Variants in AAK1 observed in about 807,000 individuals in gnomAD.
AAK1 encodes AP2 associated kinase 1, also known as AP2-associated protein kinase 1.
A neutral mutation model predicts 116.0 loss-of-function variants in AAK1; 37 were observed. The observed-to-expected ratio is 0.32, with a 90% CI of 0.25 to 0.42. The LOEUF is 0.42. Among genes scored for constraint, AAK1 ranks in the 10% least tolerant of loss-of-function variants. The pLI is 1.00. For missense variants in AAK1, 919 were observed against 1,170.6 expected (o/e 0.79, Z 3.14); for synonymous variants, 458 against 439.9 (o/e 1.04, Z -0.51).
intron 16 of AAK1, among the ~76,000 whole-genome samples, chr2:69,504,002 A>G (rs1676077394): frequency 6.6e-6 from 1 of 151,540 alleles, no homozygotes; most frequent in South Asian, 2.1e-4. Flanking sequence ...TCCGTCTAAA[A>G]AAAAAAAAAA....
intron 2 of AAK1, among the ~76,000 whole-genome samples, chr2:69,641,375 C>T (rs1433845335): frequency 6.6e-6 from 1 of 152,166 alleles, no homozygotes; most frequent in Non-Finnish European, 1.5e-5. Flanking sequence ...ATGAAAGAGA[C>T]AGATCAGACT....
At chr2:69,486,879 A>T (rs1675319530) in intron 17 of AAK1, among the ~76,000 whole-genome samples, 3 of 152,150 alleles carry the variant, frequency 2.0e-5, no homozygotes, top group Non-Finnish European at 4.4e-5. Context: ...TAGGAATATG[A>T]GTCTTCACAT....
At chr2:69,501,608 T>G (rs550715364) in intron 16 of AAK1, among the ~76,000 whole-genome samples, 1 of 152,334 alleles carries the variant, frequency 6.6e-6, no homozygotes, top group Admixed American at 6.5e-5. Context: ...GCCCAAGTAC[T>G]TTATTTTTTA....
chr2:69,495,935 G>A, intron 17 of AAK1, 50 bp downstream of exon 17: 1 of 1,462,056 alleles, frequency 6.8e-7, no homozygotes, highest in Non-Finnish European at 9.3e-7. Flanking sequence ...TACAAGGCCT[G>A]GGACATGCAA....
chr2:69,562,121 T>C (rs78021974), intron 2 of AAK1, among the ~76,000 whole-genome samples: 6,175 of 152,300 alleles, frequency 0.041, 434 homozygotes, highest in African/African-American at 0.14. Context: ...ATATGCCAAG[T>C]GACTATTTCC....
chr2:69,633,847 T>C (rs1331420736), intron 2 of AAK1, among the ~76,000 whole-genome samples: 1 of 152,112 alleles, frequency 6.6e-6, no homozygotes, highest in Non-Finnish European at 1.5e-5. Flanking sequence ...GAGATTCAGC[T>C]GGGAAGGGTT....
intron 5 of AAK1, among the ~76,000 whole-genome samples, chr2:69,540,367 C>T (rs1030857761): frequency 6.6e-6 from 1 of 152,106 alleles, no homozygotes; most frequent in African/African-American, 2.4e-5. Flanking sequence ...GTGATCCACC[C>T]GCCTCAGCCT....
chr2:69,602,649 C>T (rs961389000), intron 2 of AAK1, among the ~76,000 whole-genome samples: 19 of 152,096 alleles, frequency 1.2e-4, no homozygotes, highest in Middle Eastern at 3.2e-3. Context: ...AAAAGTCCAG[C>T]CCCCTGAGGC....
intron 2 of AAK1, among the ~76,000 whole-genome samples, chr2:69,614,292 A>G (rs980981598): frequency 7.9e-5 from 12 of 152,198 alleles, no homozygotes; most frequent in Admixed American, 2.0e-4. Flanking sequence ...AAGGAAGGAG[A>G]AAGGGAAGAG....
chr2:69,605,145 T>C (rs540950118), intron 2 of AAK1, among the ~76,000 whole-genome samples: 42 of 152,276 alleles, frequency 2.8e-4, no homozygotes, highest in African/African-American at 9.6e-4. Context: ...TATGAAGCCC[T>C]CCCTACCCCA....
chr2:69,591,551 C>T, intron 2 of AAK1, among the ~76,000 whole-genome samples: 1 of 128,966 alleles, frequency 7.8e-6, no homozygotes, highest in Middle Eastern at 5.1e-3. Flanking sequence ...GAGGGAGTCT[C>T]GCTCTGTCTC....
At chr2:69,482,837 G>A (rs765388503) in intron 17 of AAK1, 25 bp from the exon 18 acceptor site, 2 of 1,483,484 alleles carry the variant, frequency 1.3e-6, no homozygotes, top group South Asian at 1.1e-5. Context: ...GAGACAAAAA[G>A]AAAGCAAAAA....
At chr2:69,569,342 G>A (rs1322942843) in intron 2 of AAK1, among the ~76,000 whole-genome samples, 1 of 152,092 alleles carries the variant, frequency 6.6e-6, no homozygotes, top group African/African-American at 2.4e-5. Flanking sequence ...TCTTTTATCA[G>A]CTGTTTATCA....
chr2:69,544,409 G>A (rs756257928), intron 4 of AAK1, 27 bp downstream of exon 4: 8 of 1,537,658 alleles, frequency 5.2e-6, no homozygotes, highest in Middle Eastern at 1.7e-4. Context: ...AGAAATGACA[G>A]CTTAAGGGAA....
intron 2 of AAK1, among the ~76,000 whole-genome samples, chr2:69,614,003 GAATAGTAGGACACCC>G (rs897786692): frequency 1.3e-5 from 2 of 152,178 alleles, no homozygotes; most frequent in African/African-American, 4.8e-5. Context: ...GAATTAATTT[GAATAGTAGGACACCC>G]AAACGGTGTC....
intron 2 of AAK1, among the ~76,000 whole-genome samples, chr2:69,593,912 C>T (rs1287015973): frequency 3.9e-5 from 6 of 152,244 alleles, no homozygotes; most frequent in Non-Finnish European, 8.8e-5. Flanking sequence ...CCAGCTTTAA[C>T]ATTTCTGTCT....
intron 5 of AAK1, among the ~76,000 whole-genome samples, chr2:69,533,494 G>A (rs563142472): frequency 6.6e-6 from 1 of 152,192 alleles, no homozygotes; most frequent in Admixed American, 6.5e-5. Flanking sequence ...ATTACATTAA[G>A]TATATTTTAT....
At chr2:69,493,090 C>T (rs949649632) in intron 17 of AAK1, among the ~76,000 whole-genome samples, 7 of 139,210 alleles carry the variant, frequency 5.0e-5, no homozygotes, top group African/African-American at 8.2e-5. Flanking sequence ...ACCCGGGAGG[C>T]GGAGCTTGCA....
chr2:69,479,097 G>A (rs926837958), intron 19 of AAK1, 36 bp from the exon 20 acceptor site: 3 of 1,321,150 alleles, frequency 2.3e-6, no homozygotes, highest in African/African-American at 1.5e-5. Context: ...GGTCAGTGAT[G>A]GCATTAAGTG....
Sources: allele counts gnomAD v4.1 joint callset (sites outside exome capture counted in the v4.1 genomes callset), GRCh38; gene constraint gnomAD v4.1.1; transcripts MANE v1.5; gene names NCBI Gene and HGNC (gene_info 2026-07-23, HGNC 2026-07-21).